Variants in RGS3 observed in about 807,000 individuals in gnomAD.
RGS3 encodes regulator of G protein signaling 3.
RGS3 carries 80 observed loss-of-function variants against 132.6 expected under a neutral mutation model. The ratio of observed to expected loss-of-function variants is 0.60; its 90% CI spans 0.50 to 0.73. The LOEUF (loss-of-function observed/expected upper bound fraction) is 0.73, where lower values mean the gene tolerates loss of function less well. Ranked by LOEUF, RGS3 falls within the 30% of genes least tolerant of loss-of-function variation. The pLI is 0.00. For missense variants in RGS3, 1,382 were observed against 1,530.8 expected, an observed-to-expected ratio of 0.90 and a Z score of 1.62; for synonymous variants, 598 against 620.6, an observed-to-expected ratio of 0.96 and a Z score of 0.54.
chr9:113,580,751 C>G (rs550493315), intron 19 of RGS3: 35 of 975,362 alleles, frequency 3.6e-5, no homozygotes, highest in Middle Eastern at 5.2e-4. Context: ...GGTTTGGCCT[C>G]GATTTAGAAC....
At chr9:113,482,937 A>G (rs1167892463) in intron 4 of RGS3, 122 bp from the exon 3 acceptor site, 1 of 1,562,792 alleles carries the variant, frequency 6.4e-7, no homozygotes, top group African/African-American at 1.4e-5. Context: ...ACTCACAGAT[A>G]CGCTTTTCTT....
exon 11 of RGS3, chr9:113,505,485 G>C (rs768365065): frequency 6.2e-7 from 1 of 1,614,180 alleles, no homozygotes; most frequent in Non-Finnish European, 8.5e-7. Flanking sequence ...TTCACCATCT[G>C]CTGCGACTCT....
At chr9:113,578,796 C>T (rs1034808191) in intron 19 of RGS3, among the ~76,000 whole-genome samples, 1 of 152,188 alleles carries the variant, frequency 6.6e-6, no homozygotes, top group African/African-American at 2.4e-5. Context: ...GGAATTCTAA[C>T]AGCCTCTCCC....
At chr9:113,594,027 G>A (rs1455032699) in intron 21 of RGS3, 6 of 1,612,928 alleles carry the variant, frequency 3.7e-6, no homozygotes, top group Non-Finnish European at 5.1e-6. Context: ...TCCCTCTCAG[G>A]GTTGGCCAGA....
chr9:113,596,727 C>T, intron 24 of RGS3, 41 bp from the exon 23 acceptor site: 1 of 1,557,592 alleles, frequency 6.4e-7, no homozygotes, highest in Non-Finnish European at 8.7e-7. Context: ...GGGTCAGTCC[C>T]CAGCAGGCAG....
At chr9:113,504,213 G>A (rs1188074058) in intron 10 of RGS3, among the ~76,000 whole-genome samples, 1 of 152,166 alleles carries the variant, frequency 6.6e-6, no homozygotes, top group Non-Finnish European at 1.5e-5. Flanking sequence ...AAAGGAAGGA[G>A]ACAGAAGTCT....
chr9:113,577,906 T>C (rs1160652815), intron 19 of RGS3, among the ~76,000 whole-genome samples: 3 of 152,240 alleles, frequency 2.0e-5, no homozygotes, highest in Non-Finnish European at 4.4e-5. Flanking sequence ...CTCTAGTTCG[T>C]AGGCTCCACA....
chr9:113,527,696 G>T (rs768207741), intron 17 of RGS3, among the ~76,000 whole-genome samples: 3 of 152,154 alleles, frequency 2.0e-5, no homozygotes, highest in Non-Finnish European at 4.4e-5. Context: ...ACCTTGCTTC[G>T]AGGGGGCCTG....
At chr9:113,500,823 G>T (rs180803900) in intron 10 of RGS3, among the ~76,000 whole-genome samples, 92 of 151,994 alleles carry the variant, frequency 6.1e-4, no homozygotes, top group African/African-American at 2.0e-3. Flanking sequence ...AAGTAGCTAG[G>T]ACTACAGGCG....
intron 19 of RGS3, among the ~76,000 whole-genome samples, chr9:113,573,493 A>T (rs1427829278): frequency 1.3e-5 from 2 of 152,148 alleles, no homozygotes; most frequent in African/African-American, 4.8e-5. Flanking sequence ...ATGGATAGGA[A>T]TTGGGATTCA....
At chr9:113,508,611 A>G (rs752775973) in intron 14 of RGS3, 31 bp downstream of exon 12, 1 of 1,609,130 alleles carries the variant, frequency 6.2e-7, no homozygotes. Context: ...GTGCCCTCCT[A>G]GCTCAGAGAG....
chr9:113,547,532 C>A (rs1833167135), intron 19 of RGS3, among the ~76,000 whole-genome samples: 1 of 152,244 alleles, frequency 6.6e-6, no homozygotes, highest in South Asian at 2.1e-4. Flanking sequence ...TCTTTTGTTT[C>A]AACTTCACGT....
chr9:113,584,356 C>T, exon 20 of RGS3: 1 of 1,575,328 alleles, frequency 6.3e-7, no homozygotes, highest in Non-Finnish European at 8.6e-7. Flanking sequence ...GCCCAGCACC[C>T]TCAAGAAAGA....
intron 19 of RGS3, among the ~76,000 whole-genome samples, chr9:113,561,580 T>C (rs1833787942): frequency 6.7e-6 from 1 of 148,804 alleles, no homozygotes; most frequent in Non-Finnish European, 1.5e-5. Flanking sequence ...GCCCAGCTAA[T>C]TTTTAATTTT....
At position 113,514,511 on chromosome 9, in the gene RGS3, C is replaced by T. The variant is rs866353881; in HGVS notation, c.1531C>T (p.Arg511Trp). ...CTACACAGGCCTGGGGAAGAAGTCC[C>T]GGCTGATGAAGACAGTGCAGACCAT... Residue 511 changes from arginine to tryptophan, a missense_variant, in exon 15 of 25, where the codon CGG becomes TGG. Transcript: ENST00000350696. The T allele has an allele frequency of 1.3e-5, 21 of 1,614,036 alleles. No homozygotes were observed. Among genetic ancestry groups the T allele is most frequent in the African/African-American group, 8.0e-5 (6 of 74,920 alleles).
intron 1 of RGS3, among the ~76,000 whole-genome samples, chr9:113,447,342 T>TATATATATATATAC (rs1829134149): frequency 2.0e-5 from 2 of 100,640 alleles, no homozygotes; most frequent in Non-Finnish European, 4.3e-5. Flanking sequence ...TATATATATA[T>TATATATATATATAC]ATATATATAT....
chr9:113,461,676 C>T, intron 1 of RGS3: 4 of 1,600,170 alleles, frequency 2.5e-6, no homozygotes, highest in East Asian at 4.5e-5. Flanking sequence ...GTGTAAGTGC[C>T]CAGTGTGGGC....
intron 10 of RGS3, 26 bp downstream of exon 8, chr9:113,498,106 G>T (rs1830746210): frequency 6.2e-7 from 1 of 1,608,904 alleles, no homozygotes; most frequent in African/African-American, 1.3e-5. Context: ...CTAGGGCATT[G>T]CTCCAGGAGC....
intron 19 of RGS3, among the ~76,000 whole-genome samples, chr9:113,573,251 C>T (rs547368121): frequency 1.3e-5 from 2 of 152,314 alleles, no homozygotes; most frequent in South Asian, 4.1e-4. Flanking sequence ...CAATAGGCTT[C>T]CCTCCTTCCA....
Sources: gnomAD v4.1 joint callset for allele counts (sites outside exome capture counted in the v4.1 genomes callset) on GRCh38, gnomAD v4.1.1 for gene constraint, MANE v1.5 for transcripts, NCBI Gene and HGNC (gene_info 2026-07-23, HGNC 2026-07-21) for gene names.